KMT2C: variants seen among roughly 807,000 people sequenced by gnomAD.
KMT2C encodes the protein histone-lysine N-methyltransferase 2C.
KMT2C carries 88 observed loss-of-function variants against 507.9 expected under a neutral mutation model. The observed-to-expected ratio is 0.17, with a 90% CI of 0.15 to 0.21. The LOEUF (loss-of-function observed/expected upper bound fraction) is 0.21. KMT2C is among the 10% of genes least tolerant of loss of function. The pLI is 1.00. For synonymous variants in KMT2C, 2,049 were observed against 2,080.8 expected, an observed-to-expected ratio of 0.98 and a Z score of 0.42; for missense variants, 4,954 against 5,957.8, an observed-to-expected ratio of 0.83 and a Z score of 5.55.
intron 6 of KMT2C, among the ~76,000 whole-genome samples, chr7:152,275,736 C>T (rs1489127047): frequency 5.9e-5 from 9 of 152,120 alleles, no homozygotes; most frequent in Non-Finnish European, 1.2e-4. Flanking sequence ...GTCTAAATGT[C>T]TGAATAGAAA....
chr7:152,309,860 G>T, intron 6 of KMT2C, 106 bp downstream of exon 6: 1 of 704,854 alleles, frequency 1.4e-6, no homozygotes, highest in Non-Finnish European at 2.4e-6. Context: ...TTCCTATTTT[G>T]AGAGCTTTTA....
chr7:152,250,855 T>A lies in KMT2C; in HGVS notation c.1733A>T (p.Asp578Val), dbSNP rs771242371. 2 of 1,506,800 alleles carry A rather than the reference T, an allele frequency of 1.3e-6. No individual in the cohort carries two copies. The highest frequency in any genetic ancestry group is 1.1e-5 in the South Asian group (1 of 88,520). The allele number at this position is 1,506,800 out of a possible 1,614,324, so 93.3% of individuals were successfully genotyped here. A position where few individuals can be genotyped will look rare whatever the true frequency, so the allele number is the denominator to read the frequency against. ...GQESTPGIVP[D>V]AVQVHTEEQQ... ...GTATATCCATTAAACATTCTTACCA[T>A]CTGGAACAATTCCAGGAGTGGACTC... Residue 578 changes from aspartate to valine, a missense_variant and splice_region_variant, in exon 12 of 59, where the codon GAT (aspartate) becomes GTT (valine). Asp to Val is a radical substitution (Grantham distance 152, BLOSUM62 -3). This residue lies in a region of KMT2C where 376 missense variants were observed against 352.4 expected (regional missense o/e 1.07). Coordinates refer to ENST00000262189, the MANE Select transcript of KMT2C (RefSeq NM_170606.3).
intron 10 of KMT2C, 43 bp downstream of exon 10, chr7:152,252,503 A>G: frequency 1.3e-6 from 2 of 1,537,552 alleles, no homozygotes; most frequent in East Asian, 2.3e-5. Context: ...CACATGAATA[A>G]AACAATCGAC....
At chr7:152,200,649 G>C (rs1402984065) in intron 26 of KMT2C, among the ~76,000 whole-genome samples, 1 of 152,124 alleles carries the variant, frequency 6.6e-6, no homozygotes, top group Non-Finnish European at 1.5e-5. Context: ...AGAATCACTT[G>C]AACCCAGAAG....
At chr7:152,384,653 G>C (rs1021207767) in intron 1 of KMT2C, among the ~76,000 whole-genome samples, 3 of 147,824 alleles carry the variant, frequency 2.0e-5, no homozygotes, top group African/African-American at 7.5e-5. Flanking sequence ...CTCCTTTAGA[G>C]ATCTTGTCTT....
Position 152,180,186 on chromosome 7 carries a change from T to C in KMT2C, c.7150-60A>G. ...TGGTAATTAATGGCTTTTTAAAGGT[T>C]ACTGGCTTTTTATTTTTAGATATGG... On this transcript the variant is annotated intron_variant, in intron 36 of 58. Coordinates refer to ENST00000262189, the MANE Select transcript of KMT2C (RefSeq NM_170606.3). 3 of 1,557,114 alleles carry C rather than the reference T, an allele frequency of 1.9e-6. No individual in the cohort carries two copies. The South Asian group carries it at 3.4e-5, about 18-fold the overall frequency.
intron 1 of KMT2C, among the ~76,000 whole-genome samples, chr7:152,380,935 C>A (rs77101372): frequency 0.075 from 6,108 of 81,782 alleles, no homozygotes; most frequent in Non-Finnish European, 0.081. Flanking sequence ...TCCCAAGCTA[C>A]GAAACTGGAA....
In KMT2C at chr7:152,149,125, G is replaced by A; in HGVS notation, c.12802C>T (p.Pro4268Ser). 3 of 1,470,800 alleles carry A rather than the reference G, an allele frequency of 2.0e-6. No individual in the cohort carries two copies. The highest frequency in any genetic ancestry group is 1.8e-6 in the Non-Finnish European group (2 of 1,112,358). The allele number at this position is 1,470,800 out of a possible 1,614,324, so 91.1% of individuals were successfully genotyped here. Reference sequence around the variant, plus strand: ...GCTTTGGAAGGCGTTTCTCTCATAGGTGATTGTGGCAATGAAGGAATGGAT... The same window carrying A: ...GCTTTGGAAGGCGTTTCTCTCATAGATGATTGTGGCAATGAAGGAATGGAT... ...KESIPSLPQSPMRETPSKAFH... is the reference protein window; with the variant it reads ...KESIPSLPQSSMRETPSKAFH... The change falls in exon 52 of 59, where the codon CCT becomes TCT. Residue 4268 changes from proline to serine, a missense_variant. Around this residue, in one of 29 missense-constraint regions of KMT2C, gnomAD observed 417 missense variants for 461.1 expected, o/e 0.90. Coordinates refer to ENST00000262189, the MANE Select transcript of KMT2C (RefSeq NM_170606.3).
intron 1 of KMT2C, among the ~76,000 whole-genome samples, chr7:152,431,638 T>G (rs1233175802): frequency 2.6e-5 from 4 of 151,720 alleles, no homozygotes; most frequent in Non-Finnish European, 4.4e-5. Flanking sequence ...CAGGTTCTTA[T>G]TCATGGGAAT....
intron 1 of KMT2C, among the ~76,000 whole-genome samples, chr7:152,389,348 G>T (rs1385496028): frequency 1.9e-5 from 2 of 103,254 alleles, no homozygotes; most frequent in Admixed American, 1.1e-4. Flanking sequence ...GTGAGACTCC[G>T]TCTCAAAAAA....
rs540703391 is a variant in KMT2C at position 152,144,896 on chromosome 7, A to G, written c.14175-15T>C. On this transcript the variant is annotated splice_polypyrimidine_tract_variant and intron_variant, in intron 54 of 58. Transcript: ENST00000262189. The surrounding 1 kb of genome is among the most constrained non-coding windows in gnomAD (Gnocchi z 4.4). ...AGGTGTGAGGCCTGCAGACAATGGCATATCAACAGGAAAAAAATACAAGGA... is the reference window on the plus strand; with the variant it reads ...AGGTGTGAGGCCTGCAGACAATGGCGTATCAACAGGAAAAAAATACAAGGA... The G allele has an allele frequency of 1.9e-4, 296 of 1,596,032 alleles. 6 individuals are homozygous for G. In the South Asian group the frequency reaches 2.7e-3, roughly 15 times the overall value.
intron 1 of KMT2C, chr7:152,367,792 T>A (rs2097259563): frequency 1.0e-6 from 1 of 955,854 alleles, no homozygotes; most frequent in Non-Finnish European, 1.7e-6. Context: ...GAATCACGAG[T>A]GAACAGACGT....
intron 27 of KMT2C, among the ~76,000 whole-genome samples, chr7:152,198,260 C>T (rs1320245381): frequency 6.6e-6 from 1 of 152,198 alleles, no homozygotes; most frequent in African/African-American, 2.4e-5. Flanking sequence ...TGGACATGCA[C>T]ATGTGTCCAA....
Position 152,273,799 on chromosome 7 carries a change from A to G in KMT2C, c.918T>C (p.Tyr306=). 6.2e-7 allele frequency: 1 copy of G among 1,613,958 alleles called. No individual in the cohort carries two copies. The highest frequency in any genetic ancestry group is 1.1e-5 in the South Asian group (1 of 91,008). The change falls in exon 7 of 59, where the codon TAT becomes TAC. Residue 306 remains tyrosine, a synonymous_variant. Transcript: ENST00000262189. Reference sequence around the variant, plus strand: ...CGGCTCCTGCAGCACAAGGATAATGATACATCTGGGTACATTTCTCTTCAC... The same window carrying G: ...CGGCTCCTGCAGCACAAGGATAATGGTACATCTGGGTACATTTCTCTTCAC... ...KCCEEKCTQM[Y]HYPCAAGAGT...
intron 7 of KMT2C, among the ~76,000 whole-genome samples, chr7:152,267,861 C>G (rs369558197): frequency 7.3e-6 from 1 of 137,252 alleles, no homozygotes; most frequent in African/African-American, 2.8e-5. Context: ...CACTCACTAT[C>G]TCGTGGTCAT....
At chr7:152,276,229 T>C (rs1006185914) in intron 6 of KMT2C, among the ~76,000 whole-genome samples, 20 of 152,196 alleles carry the variant, frequency 1.3e-4, no homozygotes, top group African/African-American at 4.8e-4. Flanking sequence ...ATGTTTACTA[T>C]ATATACACAG....
intron 37 of KMT2C, among the ~76,000 whole-genome samples, chr7:152,179,221 C>T (rs1453297944): frequency 6.6e-6 from 1 of 152,204 alleles, no homozygotes; most frequent in Non-Finnish European, 1.5e-5. Context: ...GTCTCGAACT[C>T]CTGACCTCAA....
chr7:152,311,841 C>T lies in KMT2C; in HGVS notation c.696G>A (p.Gly232=), dbSNP rs764266454. Reference sequence around the variant, plus strand: ...CTTGGATATCAATGGCATCTGGAAGCCCAACCAGACTGAGTTCATCCCACA... The same window carrying T: ...CTTGGATATCAATGGCATCTGGAAGTCCAACCAGACTGAGTTCATCCCACA... ...GKLWDELSLV[G]LPDAIDIQAL... The change falls in exon 5 of 59, where the codon GGG becomes GGA. Residue 232 remains glycine, a synonymous_variant. Coordinates refer to ENST00000262189, the MANE Select transcript of KMT2C (RefSeq NM_170606.3). 9.3e-6 allele frequency: 15 copies of T among 1,611,224 alleles called. No individual in the cohort carries two copies. The highest frequency in any genetic ancestry group is 1.2e-5 in the Non-Finnish European group (14 of 1,178,014).
At chr7:152,171,045 T>C (rs1354463822) in intron 40 of KMT2C, among the ~76,000 whole-genome samples, 1 of 152,206 alleles carries the variant, frequency 6.6e-6, no homozygotes, top group Non-Finnish European at 1.5e-5. Context: ...AAGTGTCTTT[T>C]TGGTTACTTT....
Sources: allele counts gnomAD v4.1 joint callset (sites outside exome capture counted in the v4.1 genomes callset), GRCh38; gene constraint gnomAD v4.1.1; regional missense constraint gnomAD v4.1.1; non-coding constraint Gnocchi (gnomAD v3.1); transcripts MANE v1.5; gene names NCBI Gene and HGNC (gene_info 2026-07-23, HGNC 2026-07-21).